Variants in VGLL4 observed in about 807,000 individuals in gnomAD.
VGLL4 encodes transcription cofactor vestigial-like protein 4.
A neutral mutation model predicts 21.0 loss-of-function variants in VGLL4; 7 were observed. The observed-to-expected ratio is 0.33, with a 90% CI of 0.19 to 0.63. The LOEUF is 0.63. Among genes scored for constraint, VGLL4 ranks in the 20% least tolerant of loss-of-function variants. VGLL4 has a pLI of 0.78. For synonymous variants in VGLL4, 222 were observed against 173.2 expected (o/e 1.28, Z -2.21); for missense variants, 394 against 425.7 (o/e 0.93, Z 0.66).
At chr3:11,633,997 G>A (rs75159273) in intron 1 of VGLL4, among the ~76,000 whole-genome samples, 2,134 of 152,218 alleles carry the variant, frequency 0.014, 26 homozygotes, top group Middle Eastern at 0.041. Flanking sequence ...TGGAGACCTC[G>A]TAAGAGAGGA....
chr3:11,582,428 A>C, intron 2 of VGLL4: 1 of 1,501,528 alleles, frequency 6.7e-7, no homozygotes, highest in East Asian at 2.5e-5. Context: ...CCTCCCTGAA[A>C]GGAGGGTTGC....
Position 11,568,463 on chromosome 3 carries a change from GACTTCCAGGCCCACTA to G in VGLL4, c.273-3460_273-3445del, listed in dbSNP as rs1436981789. On this transcript the variant is annotated intron_variant, in intron 2 of 4. Transcript: ENST00000430365. This position sits in a 1 kb window ranked among gnomAD's most constrained non-coding sequence, Gnocchi z 5.9. ...CTACGCAGGGCAGCAGGGAGAAGGG[GACTTCCAGGCCCACTA>G]ACTGGAAAGACAGTCCGTGGAACAC... The G allele has an allele frequency of 8.4e-6, 10 of 1,187,502 alleles. No homozygotes were observed. Among genetic ancestry groups the G allele is most frequent in the Non-Finnish European group, 1.1e-5 (9 of 831,814 alleles). 73.6% of individuals were successfully genotyped at this position (1,187,502 alleles called of 1,614,324 possible).
At position 11,574,785 on chromosome 3, in the gene VGLL4, A is replaced by ATATGTG. The variant is rs1305114995; in HGVS notation, c.273-9767_273-9766insCACATA. ...ACAATTACTGTCAATTCAACTATAT[A>ATATGTG]TGTGTGTGTGTGTGTGTGTGTGTGT... On this transcript the variant is annotated intron_variant, in intron 2 of 4. Transcript: ENST00000430365. Among the ~76,000 whole-genome samples, 98 of 121,776 alleles carry ATATGTG rather than the reference A, an allele frequency of 8.0e-4. 1 individual carries two copies. Among genetic ancestry groups the ATATGTG allele is most frequent in the East Asian group, 2.4e-3 (8 of 3,398 alleles). The allele number at this position is 121,776 out of a possible 152,430, so 79.9% of individuals were successfully genotyped here.
At chr3:11,644,468 T>G (rs2075755994), upstream of VGLL4, among the ~76,000 whole-genome samples, 1 of 151,934 alleles carries the variant, frequency 6.6e-6, no homozygotes, top group African/African-American at 2.4e-5. Flanking sequence ...AGGAAACAGG[T>G]TCAGATGGAT....
intron 3 of VGLL4, among the ~76,000 whole-genome samples, chr3:11,560,676 A>G (rs1412639772): frequency 6.6e-6 from 1 of 152,222 alleles, no homozygotes; most frequent in Non-Finnish European, 1.5e-5. Context: ...AAGAAGCGAC[A>G]CATGCCAGGG....
intron 2 of VGLL4, among the ~76,000 whole-genome samples, chr3:11,656,735 T>G (rs1236698018): frequency 6.6e-6 from 1 of 152,162 alleles, no homozygotes; most frequent in African/African-American, 2.4e-5. Context: ...CAAAGCTCCA[T>G]ACCATGTGAG....
At chr3:11,671,332 C>G in intron 2 of VGLL4, 1 of 1,422,460 alleles carries the variant, frequency 7.0e-7, no homozygotes, top group South Asian at 1.1e-5. Flanking sequence ...AATGCGTATT[C>G]TCAGTCATCA....
chr3:11,562,175 G>GT (rs2073083208), intron 3 of VGLL4, among the ~76,000 whole-genome samples: 1 of 152,114 alleles, frequency 6.6e-6, no homozygotes, highest in Non-Finnish European at 1.5e-5. Flanking sequence ...GGGATTACAG[G>GT]TGTGAGCCAC....
chr3:11,714,029 A>G (rs995708718), intron 1 of VGLL4, among the ~76,000 whole-genome samples: 6 of 152,170 alleles, frequency 3.9e-5, no homozygotes, highest in African/African-American at 1.4e-4. Flanking sequence ...AGATAGTGCC[A>G]CCACACAGTG....
chr3:11,573,316 G>GAAGA (rs1286422799), intron 2 of VGLL4, among the ~76,000 whole-genome samples: 17 of 20,742 alleles, frequency 8.2e-4, no homozygotes, highest in South Asian at 3.5e-3. Context: ...AGGAAGGAAG[G>GAAGA]AAGAAAGAAA....
In VGLL4 at chr3:11,586,767, T is replaced by C. The variant is rs1050607933; in HGVS notation, c.272+15066A>G. Among the ~76,000 whole-genome samples the C allele has an allele frequency of 3.3e-5, 5 of 152,208 alleles. No homozygotes were observed. In the South Asian group the frequency reaches 1.0e-3, roughly 32 times the overall value. On this transcript the variant is annotated intron_variant, in intron 2 of 4. Coordinates refer to ENST00000430365, the MANE Select transcript of VGLL4 (RefSeq NM_001128219.3). ...CCAAGGATATCCAGGGACGGCTGTA[T>C]ATGACAATCGCTTTGTCGGGAGCCC...
upstream of VGLL4, among the ~76,000 whole-genome samples, chr3:11,647,794 T>C (rs2075814713): frequency 6.6e-6 from 1 of 152,182 alleles, no homozygotes; most frequent in African/African-American, 2.4e-5. Flanking sequence ...CATCAATAAA[T>C]ACCAGCTGAA....
At chr3:11,600,730 C>T (rs2074773484) in intron 2 of VGLL4, among the ~76,000 whole-genome samples, 2 of 152,168 alleles carry the variant, frequency 1.3e-5, no homozygotes, top group Admixed American at 6.5e-5. Flanking sequence ...CACCTCTCTG[C>T]GGAAACTCTG....
chr3:11,680,943 C>G lies in VGLL4; in HGVS notation c.64+22028G>C, dbSNP rs1163404409. On this transcript the variant is annotated intron_variant, in intron 2 of 5. Transcript: ENST00000273038. The stretch of plus-strand genomic sequence containing the variant: ...AATCCCCGCCGTGAAGCTGCCTACA[C>G]GATTTCAATGGGAGCCTCCCACTCC... Among the ~76,000 whole-genome samples, 6 of 152,232 alleles carry G rather than the reference C, an allele frequency of 3.9e-5. No homozygotes were observed. The South Asian group carries it at 1.2e-3, about 31-fold the overall frequency.
chr3:11,635,096 T>C (rs1348388563), intron 1 of VGLL4, among the ~76,000 whole-genome samples: 1 of 152,202 alleles, frequency 6.6e-6, no homozygotes, highest in African/African-American at 2.4e-5. Context: ...GGATATCATT[T>C]AGTGACCGTG....
intron 2 of VGLL4, among the ~76,000 whole-genome samples, chr3:11,575,668 G>C (rs1161247658): frequency 6.6e-6 from 1 of 152,242 alleles, no homozygotes; most frequent in Non-Finnish European, 1.5e-5. Context: ...AGTGATTTTA[G>C]TTAGAGACCT....
At chr3:11,706,412 G>A (rs1001410536) in intron 1 of VGLL4, among the ~76,000 whole-genome samples, 1 of 152,204 alleles carries the variant, frequency 6.6e-6, no homozygotes, top group African/African-American at 2.4e-5. Flanking sequence ...CTGCTTTCAA[G>A]GAGTCACGCT....
intron 1 of VGLL4, chr3:11,627,230 A>ACTCTCTCTCTCTCTCTCTCTCT (rs1221460234): frequency 4.9e-5 from 6 of 123,268 alleles, no homozygotes; most frequent in African/African-American, 2.0e-4. Context: ...ACACACACAC[A>ACTCTCTCTCTCTCTCTCTCTCT]CTCTCTCTCT....
intron 2 of VGLL4, among the ~76,000 whole-genome samples, chr3:11,591,234 C>A (rs548398327): frequency 1.3e-5 from 2 of 152,330 alleles, no homozygotes; most frequent in South Asian, 4.1e-4. Flanking sequence ...GACCAATGCA[C>A]ATTCTGTCAC....
Sources: allele counts gnomAD v4.1 joint callset (sites outside exome capture counted in the v4.1 genomes callset), GRCh38; gene constraint gnomAD v4.1.1; non-coding constraint Gnocchi (gnomAD v3.1); transcripts MANE v1.5; gene names NCBI Gene and HGNC (gene_info 2026-07-23, HGNC 2026-07-21).